TFB1M: variants seen among roughly 807,000 people sequenced by gnomAD.
The protein encoded by TFB1M is dimethyladenosine transferase 1, mitochondrial.
TFB1M carries 27 observed loss-of-function variants against 31.1 expected under a neutral mutation model. The ratio of observed to expected loss-of-function variants is 0.87; its 90% CI spans 0.64 to 1.20. TFB1M has a LOEUF of 1.20. TFB1M is among the 50% of genes most tolerant of loss of function. The probability of loss-of-function intolerance (pLI) is 0.00; values close to 1 mark genes in which losing one functional copy is unlikely to be tolerated. For synonymous variants in TFB1M, 166 were observed against 151.8 expected, an observed-to-expected ratio of 1.09 and a Z score of -0.69; for missense variants, 394 against 418.7, an observed-to-expected ratio of 0.94 and a Z score of 0.51.
Position 155,257,579 on chromosome 6 carries a change from A to AAGAT in TFB1M, c.*253_*256dup, listed in dbSNP as rs10568542. The stretch of plus-strand genomic sequence containing the variant: ...AAATGTGCAGATACTTCATTTTTGT[A>AAGAT]AGATAGATTGTAATAGATGCTGTTT... On this transcript the variant is annotated 3_prime_UTR_variant, in exon 7 of 7. Transcript: ENST00000367166. 15 of 446,526 alleles carry AAGAT rather than the reference A, an allele frequency of 3.4e-5. No individual in the cohort carries two copies. Among genetic ancestry groups the AAGAT allele is most frequent in the Admixed American group, 8.2e-5 (2 of 24,296 alleles). The allele number at this position is 446,526 out of a possible 1,614,324, so 27.7% of individuals were successfully genotyped here.
At position 155,287,551 on chromosome 6, in the gene TFB1M, A is replaced by AGTGTGT. The variant is rs150032717; in HGVS notation, c.547-2280_547-2275dup. The stretch of plus-strand genomic sequence containing the variant: ...AAGACTACTCCTATCATTTACTCTG[A>AGTGTGT]GTGTGTGTGTGTGTGTGTGTGTGTA... On this transcript the variant is annotated intron_variant, in intron 4 of 6. Transcript: ENST00000367166. Among the ~76,000 whole-genome samples, 3,581 of 147,548 alleles carry AGTGTGT rather than the reference A, an allele frequency of 0.024. 299 individuals carry two copies. In the East Asian group the frequency reaches 0.3, roughly 12 times the overall value.
chr6:155,257,998 G>T lies in TFB1M; in HGVS notation c.879C>A (p.Arg293=), dbSNP rs1265412229. 1 of 1,614,208 alleles carries T rather than the reference G, an allele frequency of 6.2e-7. No individual in the cohort carries two copies. The highest frequency in any genetic ancestry group is 8.5e-7 in the Non-Finnish European group (1 of 1,180,030). The change falls in exon 7 of 7, where the codon CGC becomes CGA. Residue 293 remains arginine (R), a synonymous_variant. Coordinates refer to ENST00000367166, the MANE Select transcript of TFB1M (RefSeq NM_016020.4). ...TCTTAAAGTGTGAGATGGAGAGCTG[G>T]CGGGGCCGAAGAGTAGGGTCTATGT... ...LADIDPTLRP[R]QLSISHFKSL... is the part of the protein sequence containing the mutation.
intron 4 of TFB1M, among the ~76,000 whole-genome samples, chr6:155,286,343 G>A (rs1776622982): frequency 6.6e-6 from 1 of 151,214 alleles, no homozygotes; most frequent in South Asian, 2.1e-4. Context: ...TAAAAGCAGA[G>A]CTATATAAGA....
chr6:155,254,072 T>G, downstream of TFB1M: 1 of 1,609,900 alleles, frequency 6.2e-7, no homozygotes, highest in Non-Finnish European at 8.5e-7. Flanking sequence ...TATGACTGAC[T>G]TCCAAAGATT....
Position 155,256,170 on chromosome 6 carries a change from A to T in TFB1M, c.*1666T>A. 1 of 522,260 alleles carries T rather than the reference A, an allele frequency of 1.9e-6. No individual in the cohort carries two copies. The highest frequency in any genetic ancestry group is 3.3e-6 in the Non-Finnish European group (1 of 299,730). 32.4% of individuals were successfully genotyped at this position (522,260 alleles called of 1,614,324 possible). On this transcript the variant is annotated 3_prime_UTR_variant, in exon 7 of 7. Transcript: ENST00000367166. ...AGCCTAGATTTATTATTACCAATTA[A>T]CTTTTCAACTTACTCCTTGGCAAAA...
rs1247695390 is a variant in TFB1M, at chr6:155,256,368, A to AAGTC, written c.*1464_*1467dup. On this transcript the variant is annotated 3_prime_UTR_variant, in exon 7 of 7. Transcript: ENST00000367166. ...TAATTACCAGGATAGTTGCTAACTG[A>AAGTC]AGTCATATCATAAAATAAAATCTTA... 2.1e-6 allele frequency: 3 copies of AAGTC among 1,451,612 alleles called. No individual in the cohort carries two copies. Among genetic ancestry groups the AAGTC allele is most frequent in the Non-Finnish European group, 2.8e-6 (3 of 1,076,056 alleles). 89.9% of individuals were successfully genotyped at this position (1,451,612 alleles called of 1,614,324 possible).
At chr6:155,267,615 C>G (rs76691180) in intron 5 of TFB1M, among the ~76,000 whole-genome samples, 25 of 152,286 alleles carry the variant, frequency 1.6e-4, no homozygotes, top group South Asian at 4.1e-4. Flanking sequence ...CAGCTACTAG[C>G]TAAAACTGGT....
At chr6:155,262,732 AG>A (rs1164991535) in intron 5 of TFB1M, among the ~76,000 whole-genome samples, 1 of 148,488 alleles carries the variant, frequency 6.7e-6, no homozygotes, top group African/African-American at 2.5e-5. Context: ...CTTCCAGTAC[AG>A]AAACTGCCAC....
chr6:155,239,478 A>T, the TFB1M span, among the ~76,000 whole-genome samples: 1 of 152,174 alleles, frequency 6.6e-6, no homozygotes, highest in South Asian at 2.1e-4. Flanking sequence ...AAAGAATGAG[A>T]AGTAAAAGGA....
intron 4 of TFB1M, among the ~76,000 whole-genome samples, chr6:155,287,318 A>G (rs1776705126): frequency 6.6e-6 from 1 of 152,186 alleles, no homozygotes; most frequent in Non-Finnish European, 1.5e-5. Context: ...ATACATACTT[A>G]CACGGGCGAT....
intron 4 of TFB1M, among the ~76,000 whole-genome samples, chr6:155,286,603 G>A (rs71575027): frequency 0.38 from 53,345 of 139,128 alleles, 10,582 homozygotes; most frequent in East Asian, 0.65. Flanking sequence ...GTGTATATAT[G>A]TGTGTATATA....
In TFB1M at chr6:155,285,804, T is replaced by C. The variant is rs139803204; in HGVS notation, c.547-527A>G. On this transcript the variant is annotated intron_variant, in intron 4 of 6. Transcript: ENST00000367166. ...ATAATTTTTGTAAAACCTAGTAATT[T>C]ATTCTTTTAAACACTCAAACATTTT... Among the ~76,000 whole-genome samples, 701 of 152,342 alleles carry C rather than the reference T, an allele frequency of 4.6e-3. 4 individuals are homozygous for C. Among genetic ancestry groups the C allele is most frequent in the African/African-American group, 0.016 (668 of 41,576 alleles).
In TFB1M at chr6:155,298,545, T is replaced by C; in HGVS notation, c.326A>G (p.His109Arg). 6.2e-7 allele frequency: 1 copy of C among 1,613,548 alleles called. No individual in the cohort carries two copies. The highest frequency in any genetic ancestry group is 1.3e-5 in the African/African-American group (1 of 75,042). ...DAAPGKLRIV[H>R]GDVLTFKVEK... ...TACCTTAAATGTCAAGACATCTCCA[T>C]GAACAATTCTCAGTTTCCCAGGTGC... Residue 109 changes from histidine to arginine, a missense_variant, in exon 3 of 7, where the codon CAT becomes CGT. Coordinates refer to ENST00000367166, the MANE Select transcript of TFB1M (RefSeq NM_016020.4).
intron 5 of TFB1M, chr6:155,276,458 C>T: frequency 1.6e-6 from 2 of 1,266,498 alleles, no homozygotes; most frequent in Non-Finnish European, 2.2e-6. Context: ...CAGAATTATG[C>T]TTAACTTTCC....
chr6:155,237,965 C>A, the TFB1M span, among the ~76,000 whole-genome samples: 1 of 152,264 alleles, frequency 6.6e-6, no homozygotes, highest in African/African-American at 2.4e-5. Context: ...CTGCAGCCAG[C>A]TTAGATTTCT....
At chr6:155,313,721 C>G (rs1778117484) in intron 1 of TFB1M, among the ~76,000 whole-genome samples, 1 of 152,202 alleles carries the variant, frequency 6.6e-6, no homozygotes, top group East Asian at 1.9e-4. Flanking sequence ...GAGGAAACAC[C>G]GCCTTGTTCA....
chr6:155,288,032 CACAT>C (rs1419089494), intron 4 of TFB1M, among the ~76,000 whole-genome samples: 4 of 152,212 alleles, frequency 2.6e-5, no homozygotes, highest in African/African-American at 9.6e-5. Context: ...GCAATGCACA[CACAT>C]AGTCTAATCA....
At chr6:155,256,020 G>GA, downstream of TFB1M, 1 of 86,486 alleles carries the variant, frequency 1.2e-5, no homozygotes, top group Admixed American at 1.7e-4. Flanking sequence ...TAAAAAAAAA[G>GA]GGGGGGGGAG....
chr6:155,236,115 T>C, the TFB1M span, among the ~76,000 whole-genome samples: 1 of 152,076 alleles, frequency 6.6e-6, no homozygotes, highest in Admixed American at 6.6e-5. Flanking sequence ...GTCCGAGTAT[T>C]ATCATCGTGA....
Sources: gnomAD v4.1 joint callset for allele counts (sites outside exome capture counted in the v4.1 genomes callset) on GRCh38, gnomAD v4.1.1 for gene constraint, MANE v1.5 for transcripts, NCBI Gene and HGNC (gene_info 2026-07-23, HGNC 2026-07-21) for gene names.